The following UBE2O variants were observed in gnomAD, a reference collection of about 807,000 sequenced individuals.
UBE2O encodes the protein (E3-independent) E2 ubiquitin-conjugating enzyme.
In UBE2O, 15 loss-of-function variants were observed where a neutral mutation model predicts 125.8. The observed-to-expected ratio is 0.12, with a 90% confidence interval of 0.08 to 0.18. The LOEUF is 0.18. Among genes scored for constraint, UBE2O ranks in the 10% least tolerant of loss-of-function variants. The pLI is 1.00. For synonymous variants in UBE2O, 708 were observed against 703.2 expected (o/e 1.01, Z -0.11); for missense variants, 1,280 against 1,723.6 (o/e 0.74, Z 4.56).
chr17:76,452,999 G>A lies in UBE2O; in HGVS notation c.143C>T (p.Ser48Leu), dbSNP rs1302541398. The A allele has an allele frequency of 6.7e-6, 10 of 1,489,062 alleles. No individual in the cohort carries two copies. The highest frequency in any genetic ancestry group is 1.5e-5 in the African/African-American group (1 of 68,310). 92.2% of individuals were successfully genotyped at this position (1,489,062 alleles called of 1,614,324 possible). The change falls in exon 1 of 18, where the codon TCG becomes TTG. Residue 48 changes from serine (S) to leucine (L), a missense_variant. Physicochemically the swap from Ser to Leu is moderately radical, Grantham distance 145. Around this residue, in one of 10 missense-constraint regions of UBE2O, gnomAD observed 188 missense variants for 192.5 expected, o/e 0.98. Transcript: ENST00000319380. This position sits in a 1 kb window ranked among gnomAD's most constrained non-coding sequence, Gnocchi z 4.4. ...PASDSASGPS[S>L]DSGPEAGSQR... ...CGAGCCGGCTTCTGGGCCGGAGTCC[G>A]AGGACGGCCCGGAGGCCGAGTCCGA...
intron 1 of UBE2O, among the ~76,000 whole-genome samples, chr17:76,442,371 G>T (rs544803807): frequency 6.6e-6 from 1 of 152,280 alleles, no homozygotes; most frequent in South Asian, 2.1e-4. Flanking sequence ...CCTAGTACGG[G>T]GGGTGGGAGA....
chr17:76,432,496 T>C (rs1009047475), intron 1 of UBE2O, among the ~76,000 whole-genome samples: 2 of 152,182 alleles, frequency 1.3e-5, no homozygotes, highest in African/African-American at 4.8e-5. Flanking sequence ...CCTAGGATGC[T>C]TGTGGAGCCC....
chr17:76,412,740 T>G (rs1203035459), intron 1 of UBE2O, among the ~76,000 whole-genome samples: 2 of 152,222 alleles, frequency 1.3e-5, no homozygotes, highest in African/African-American at 4.8e-5. Flanking sequence ...CCGGGCGCAG[T>G]GGCTCAAGCC....
intron 1 of UBE2O, among the ~76,000 whole-genome samples, chr17:76,416,219 T>C (rs2072614790): frequency 2.0e-5 from 3 of 152,150 alleles, no homozygotes; most frequent in East Asian, 3.9e-4. Context: ...TATATGTATG[T>C]ATATGTATAT....
chr17:76,450,873 G>A (rs1001019253), intron 1 of UBE2O, among the ~76,000 whole-genome samples: 13 of 152,152 alleles, frequency 8.5e-5, no homozygotes, highest in Non-Finnish European at 1.5e-4. Flanking sequence ...CGCCCGCCTC[G>A]GCCTCCCAAG....
chr17:76,397,686 CTGAGA>C (rs2072238382), intron 13 of UBE2O, 108 bp downstream of exon 13: 10 of 1,070,806 alleles, frequency 9.3e-6, no homozygotes, highest in Non-Finnish European at 1.4e-5. Context: ...CACGCTTTCG[CTGAGA>C]TCTCACCAGG....
At chr17:76,439,133 G>T (rs1019839440) in intron 1 of UBE2O, among the ~76,000 whole-genome samples, 46 of 152,234 alleles carry the variant, frequency 3.0e-4, no homozygotes, top group African/African-American at 9.2e-4. Flanking sequence ...GCGTGGTTTG[G>T]AGGCGCTTGC....
At chr17:76,401,552 A>G (rs562788982) in intron 5 of UBE2O, among the ~76,000 whole-genome samples, 32 of 152,260 alleles carry the variant, frequency 2.1e-4, no homozygotes, top group African/African-American at 6.5e-4. Flanking sequence ...ACCTTAAAGG[A>G]TGAGAAAAAA....
intron 1 of UBE2O, among the ~76,000 whole-genome samples, chr17:76,442,881 A>T (rs756396947): frequency 2.0e-5 from 3 of 152,210 alleles, no homozygotes; most frequent in African/African-American, 2.4e-5. Context: ...GGCATGAGGC[A>T]AGCAGAGAGC....
At position 76,405,969 on chromosome 17, in the gene UBE2O, G is replaced by A. The variant is rs188446037; in HGVS notation, c.418-397C>T. 8.7e-4 allele frequency among the ~76,000 whole-genome samples: 132 copies of A among 152,380 alleles called. No individual in the cohort carries two copies. The highest frequency in any genetic ancestry group is 3.1e-3 in the African/African-American group (127 of 41,598). ...TCAATCTTTTTTCTGCCCTCTGCAA[G>A]TGCCTGCCCTAGCTGATCAGTGCTG... On this transcript the variant is annotated intron_variant, in intron 1 of 17. Coordinates refer to ENST00000319380, the MANE Select transcript of UBE2O (RefSeq NM_022066.4). The surrounding 1 kb of genome is among the most constrained non-coding windows in gnomAD (Gnocchi z 6.1).
In UBE2O at chr17:76,398,799, G is replaced by C. The variant is rs759663154; in HGVS notation, c.1783+38C>G. 1 of 1,603,628 alleles carries C rather than the reference G, an allele frequency of 6.2e-7. No individual in the cohort carries two copies. Among genetic ancestry groups the C allele is most frequent in the Non-Finnish European group, 8.5e-7 (1 of 1,174,296 alleles). On this transcript the variant is annotated intron_variant, in intron 10 of 17. Coordinates refer to ENST00000319380, the MANE Select transcript of UBE2O (RefSeq NM_022066.4). This position sits in a 1 kb window ranked among gnomAD's most constrained non-coding sequence, Gnocchi z 5.4. ...AGCCCCAACCCGGGCCCTCATTGGC[G>C]ACCACCCTGCTGGCTGCCCTTCCAG...
intron 1 of UBE2O, among the ~76,000 whole-genome samples, chr17:76,424,915 G>A (rs2072781072): frequency 6.8e-6 from 1 of 147,534 alleles, no homozygotes; most frequent in Admixed American, 6.8e-5. Context: ...CTGTCACCCA[G>A]GCTGGAGTGC....
chr17:76,419,179 G>A (rs986058931), intron 1 of UBE2O, among the ~76,000 whole-genome samples: 6 of 148,362 alleles, frequency 4.0e-5, no homozygotes, highest in African/African-American at 1.2e-4. Context: ...AGCTACTTGG[G>A]GGGCTCTGGT....
rs1488341986 is a variant in UBE2O at position 76,452,785 on chromosome 17, G to C, written c.357C>G (p.Arg119=). Residue 119 remains arginine, a synonymous_variant, in exon 1 of 18, where the codon CGC becomes CGG. Transcript: ENST00000319380. This position sits in a 1 kb window ranked among gnomAD's most constrained non-coding sequence, Gnocchi z 4.4. ...GGTACCACTGGACGCGCACGTAGCC[G>C]CGGCGCAGGGGGCTGGCCCGGCCCT... is the stretch of plus-strand genomic sequence containing the variant. ...HEEGRASPLR[R]GYVRVQWYPE... The C allele has an allele frequency of 6.6e-7, 1 of 1,521,906 alleles. No individual in the cohort carries two copies. Among genetic ancestry groups the C allele is most frequent in the South Asian group, 1.2e-5 (1 of 80,582 alleles). 94.3% of individuals were successfully genotyped at this position (1,521,906 alleles called of 1,614,324 possible).
chr17:76,400,949 C>T lies in UBE2O; in HGVS notation c.894+62G>A, dbSNP rs112106835. 8.3e-5 allele frequency: 131 copies of T among 1,586,600 alleles called. No homozygotes were observed. The African/African-American group carries it at 1.4e-3, about 17-fold the overall frequency. The stretch of plus-strand genomic sequence containing the variant: ...TCAAGAGCAGGAAGGAAAGGGGCAG[C>T]AGCTCAGCTCCAGGGTGTGGAGGTC... On this transcript the variant is annotated intron_variant, in intron 6 of 17. Coordinates refer to ENST00000319380, the MANE Select transcript of UBE2O (RefSeq NM_022066.4). The surrounding 1 kb of genome is among the most constrained non-coding windows in gnomAD (Gnocchi z 4.3).
At position 76,405,713 on chromosome 17, in the gene UBE2O, C is replaced by T; in HGVS notation, c.418-141G>A. The T allele has an allele frequency of 2.7e-6, 2 of 750,760 alleles. No homozygotes were observed. Among genetic ancestry groups the T allele is most frequent in the Admixed American group, 2.4e-5 (1 of 42,044 alleles). The allele number at this position is 750,760 out of a possible 1,614,324, so 46.5% of individuals were successfully genotyped here. A position where few individuals can be genotyped will look rare whatever the true frequency, so the allele number is the denominator to read the frequency against. ...AAGCGTTTGGCTAGCAGTATCTTCA[C>T]AGACCGCACACACCTCCGACCAGCA... On this transcript the variant is annotated intron_variant, in intron 1 of 17. Coordinates refer to ENST00000319380, the MANE Select transcript of UBE2O (RefSeq NM_022066.4). The surrounding 1 kb of genome is among the most constrained non-coding windows in gnomAD (Gnocchi z 6.1).
Position 76,395,847 on chromosome 17 carries a change from T to C in UBE2O, c.2824A>G (p.Lys942Glu). The C allele has an allele frequency of 6.2e-7, 1 of 1,614,174 alleles. No homozygotes were observed. The highest frequency in any genetic ancestry group is 8.5e-7 in the Non-Finnish European group (1 of 1,180,038). The change falls in exon 15 of 18, where the codon AAG becomes GAG. Residue 942 changes from lysine (K) to glutamate (E), a missense_variant. Physicochemically the swap from Lys to Glu is moderately conservative, Grantham distance 56 (BLOSUM62 1). Transcript: ENST00000319380. The surrounding 1 kb of genome is among the most constrained non-coding windows in gnomAD (Gnocchi z 5.0). ...LEFAPSNHSF[K>E]KIEFQPPEAK... Reference sequence around the variant, plus strand: ...TCTGGAGGCTGGAACTCAATTTTCTTAAAAGAATGATTTGCTAGAGGGGGG... The same window carrying C: ...TCTGGAGGCTGGAACTCAATTTTCTCAAAAGAATGATTTGCTAGAGGGGGG...
In UBE2O at chr17:76,396,268, T is replaced by C. The variant is rs770064001; in HGVS notation, c.2669A>G (p.Asp890Gly). ...EAVPDVERKE[D>G]KPEGQSPVKA... The stretch of plus-strand genomic sequence containing the variant: ...CACAGGTGACTGCCCCTCGGGCTTG[T>C]CCTCCTTGCGCTCTACGTCGGGCAC... The change falls in exon 14 of 18, where the codon GAC becomes GGC. Residue 890 changes from aspartate (D) to glycine (G), a missense_variant. By Grantham distance (94) the Asp-to-Gly change is moderately conservative. Transcript: ENST00000319380. The surrounding 1 kb of genome is among the most constrained non-coding windows in gnomAD (Gnocchi z 6.7). The C allele has an allele frequency of 5.6e-6, 9 of 1,614,086 alleles. No individual in the cohort carries two copies. The East Asian group carries it at 1.3e-4, about 24-fold the overall frequency.
At chr17:76,397,697 C>T in intron 13 of UBE2O, 102 bp downstream of exon 13, 2 of 1,154,642 alleles carry the variant, frequency 1.7e-6, no homozygotes. Context: ...TGAGATCTCA[C>T]CAGGAAGACC....
Sources: allele counts gnomAD v4.1 joint callset (sites outside exome capture counted in the v4.1 genomes callset), GRCh38; gene constraint gnomAD v4.1.1; regional missense constraint gnomAD v4.1.1; non-coding constraint Gnocchi (gnomAD v3.1); transcripts MANE v1.5; gene names NCBI Gene and HGNC (gene_info 2026-07-23, HGNC 2026-07-21).